ZSWIM6: variants seen among roughly 807,000 people sequenced by gnomAD.
ZSWIM6 encodes the protein zinc finger SWIM-type containing 6.
ZSWIM6 carries 9 observed loss-of-function variants against 113.2 expected under a neutral mutation model. The observed-to-expected ratio is 0.08, with a 90% confidence interval of 0.05 to 0.14. The LOEUF (loss-of-function observed/expected upper bound fraction) is 0.14, where lower values mean the gene tolerates loss of function less well. ZSWIM6 is among the 10% of genes least tolerant of loss of function. The pLI is 1.00. For synonymous variants in ZSWIM6, 611 were observed against 606.5 expected (o/e 1.01, Z -0.11); for missense variants, 1,162 against 1,552.2 (o/e 0.75, Z 4.22).
chr5:61,519,458 T>A (rs947955806), intron 4 of ZSWIM6, among the ~76,000 whole-genome samples: 9 of 152,164 alleles, frequency 5.9e-5, no homozygotes, highest in African/African-American at 2.2e-4. Flanking sequence ...TAATGGCAAG[T>A]CACCCCCATC....
intron 1 of ZSWIM6, among the ~76,000 whole-genome samples, chr5:61,442,586 T>C (rs372847354): frequency 6.6e-6 from 1 of 152,210 alleles, no homozygotes; most frequent in African/African-American, 2.4e-5. Flanking sequence ...TTGGCCTGAT[T>C]AGTCATGTGA....
chr5:61,539,457 A>G (rs893686212), intron 11 of ZSWIM6, 139 bp from the exon 12 acceptor site: 58 of 1,009,454 alleles, frequency 5.7e-5, no homozygotes, highest in Non-Finnish European at 8.0e-5. Flanking sequence ...CATGTTAGGT[A>G]AATTAACTTG....
intron 1 of ZSWIM6, among the ~76,000 whole-genome samples, chr5:61,376,158 G>T (rs1410456364): frequency 1.0e-4 from 8 of 77,282 alleles, no homozygotes; most frequent in Non-Finnish European, 2.0e-4. Flanking sequence ...AGCGTCTAAG[G>T]ATAAACCAAC....
chr5:61,528,278 T>C (rs1749337874), intron 7 of ZSWIM6, among the ~76,000 whole-genome samples: 1 of 152,164 alleles, frequency 6.6e-6, no homozygotes, highest in African/African-American at 2.4e-5. Context: ...AAAACAGATT[T>C]ATTTGATTTA....
intron 1 of ZSWIM6, among the ~76,000 whole-genome samples, chr5:61,342,185 G>A (rs1744565839): frequency 6.6e-6 from 1 of 152,070 alleles, no homozygotes; most frequent in South Asian, 2.1e-4. Context: ...GGCCTTTAAA[G>A]CCTTTTGTAT....
chr5:61,469,666 C>A (rs1473490719), intron 1 of ZSWIM6, among the ~76,000 whole-genome samples: 2 of 151,984 alleles, frequency 1.3e-5, no homozygotes, highest in East Asian at 3.9e-4. Context: ...TTGCAGAAAC[C>A]ATTTGAGGGC....
Position 61,332,391 on chromosome 5 carries a change from C to G in ZSWIM6, c.119C>G (p.Ser40Cys). 1.0e-6 allele frequency: 1 copy of G among 990,426 alleles called. No individual in the cohort carries two copies. Among genetic ancestry groups the G allele is most frequent in the African/African-American group, 1.8e-5 (1 of 56,086 alleles). 61.4% of individuals were successfully genotyped at this position (990,426 alleles called of 1,614,324 possible). ...GGCGGCGCGGGTGGCGGCTACAGCTCTGCCTGTCGGCCAGGCCCGCGGGCG... is the reference window on the plus strand; with the variant it reads ...GGCGGCGCGGGTGGCGGCTACAGCTGTGCCTGTCGGCCAGGCCCGCGGGCG... ...GGGGAGGGYS[S>C]ACRPGPRAGG... The change falls in exon 1 of 14, where the codon TCT (serine) becomes TGT (cysteine). Residue 40 changes from serine (S) to cysteine (C), a missense_variant. Around this residue, in one of 4 missense-constraint regions of ZSWIM6, gnomAD observed 333 missense variants for 293.4 expected, o/e 1.13. Coordinates refer to ENST00000252744, the MANE Select transcript of ZSWIM6 (RefSeq NM_020928.2).
intron 1 of ZSWIM6, among the ~76,000 whole-genome samples, chr5:61,404,601 T>C (rs933306606): frequency 2.6e-5 from 4 of 152,228 alleles, no homozygotes; most frequent in African/African-American, 9.6e-5. Context: ...TTTTGCTCTT[T>C]CTATTCTTTT....
intron 1 of ZSWIM6, among the ~76,000 whole-genome samples, chr5:61,453,549 AT>A (rs1235004050): frequency 6.6e-6 from 1 of 151,184 alleles, no homozygotes; most frequent in Non-Finnish European, 1.5e-5. Context: ...TAATTTTTGT[AT>A]TTTTTTGTAG....
At chr5:61,505,691 CCTCCCTT>C in intron 4 of ZSWIM6, among the ~76,000 whole-genome samples, 1 of 106,334 alleles carries the variant, frequency 9.4e-6, no homozygotes, top group African/African-American at 3.6e-5. Context: ...TGCCTCCCTC[CCTCCCTT>C]CCTTCCTCCC....
At chr5:61,355,818 AATG>A (rs1181535475) in intron 1 of ZSWIM6, among the ~76,000 whole-genome samples, 1 of 152,226 alleles carries the variant, frequency 6.6e-6, no homozygotes, top group African/African-American at 2.4e-5. Context: ...AATTTATTGA[AATG>A]ATAATATTTG....
intron 1 of ZSWIM6, among the ~76,000 whole-genome samples, chr5:61,440,806 A>G (rs1262768212): frequency 2.0e-5 from 3 of 152,180 alleles, no homozygotes; most frequent in African/African-American, 4.8e-5. Context: ...CGTGCCAGCC[A>G]TGTGCCTGGT....
intron 1 of ZSWIM6, among the ~76,000 whole-genome samples, chr5:61,339,089 T>A (rs531886134): frequency 6.6e-6 from 1 of 152,238 alleles, no homozygotes; most frequent in African/African-American, 2.4e-5. Flanking sequence ...TCTTTCTGCT[T>A]ACACTCATAT....
intron 1 of ZSWIM6, among the ~76,000 whole-genome samples, chr5:61,422,707 T>C (rs1425211724): frequency 1.3e-5 from 2 of 152,188 alleles, no homozygotes; most frequent in African/African-American, 4.8e-5. Flanking sequence ...ACATGGAGTA[T>C]ATTTCCATTT....
At chr5:61,416,083 A>G (rs1341091007) in intron 1 of ZSWIM6, among the ~76,000 whole-genome samples, 1 of 152,232 alleles carries the variant, frequency 6.6e-6, no homozygotes, top group East Asian at 1.9e-4. Flanking sequence ...ATCACTGGAT[A>G]CAAAAAGGGT....
intron 1 of ZSWIM6, among the ~76,000 whole-genome samples, chr5:61,454,887 GT>G (rs11325786): frequency 0.23 from 32,095 of 138,160 alleles, 3,349 homozygotes; most frequent in South Asian, 0.36. Flanking sequence ...CCCAGTGAAG[GT>G]TTTTTTTTTT....
rs534930878 is a variant in ZSWIM6 at position 61,334,777 on chromosome 5, TTTTG to T, written c.676+1839_676+1842del. Among the ~76,000 whole-genome samples the T allele has an allele frequency of 1.3e-3, 193 of 152,314 alleles. 2 individuals carry two copies. Among genetic ancestry groups the T allele is most frequent in the African/African-American group, 3.9e-3 (161 of 41,548 alleles). On this transcript the variant is annotated intron_variant, in intron 1 of 13. Coordinates refer to ENST00000252744, the MANE Select transcript of ZSWIM6 (RefSeq NM_020928.2). ...ACATTCTTCCTAGTTATACCTTTTT[TTTTG>T]TTTGTTTGTCTGTTTCCTGCCGGTT...
chr5:61,391,891 G>A (rs954850592), intron 1 of ZSWIM6: 47 of 606,344 alleles, frequency 7.8e-5, no homozygotes, highest in South Asian at 6.5e-4. Flanking sequence ...AAATCCTGCC[G>A]GTAGAGCAAA....
chr5:61,407,210 T>C (rs1386572498), intron 1 of ZSWIM6, among the ~76,000 whole-genome samples: 1 of 152,172 alleles, frequency 6.6e-6, no homozygotes, highest in African/African-American at 2.4e-5. Flanking sequence ...AGAAAAATTA[T>C]TGAATATGAT....
Sources: allele counts gnomAD v4.1 joint callset (sites outside exome capture counted in the v4.1 genomes callset), GRCh38; gene constraint gnomAD v4.1.1; regional missense constraint gnomAD v4.1.1; transcripts MANE v1.5; gene names NCBI Gene and HGNC (gene_info 2026-07-23, HGNC 2026-07-21).